The following MSRA variants were observed in gnomAD, a reference collection of about 807,000 sequenced individuals.
MSRA encodes the protein mitochondrial peptide methionine sulfoxide reductase.
In MSRA, 54 loss-of-function variants were observed where a neutral mutation model predicts 31.3. The observed-to-expected ratio is 1.73, with a 90% CI of 1.39 to 2.17. The LOEUF (loss-of-function observed/expected upper bound fraction) is 2.17. Ranked by LOEUF, MSRA falls within the 30% of genes most tolerant of loss-of-function variation. The pLI, the probability that MSRA is intolerant of heterozygous loss-of-function variation, is 0.00. For synonymous variants in MSRA, 169 were observed against 116.5 expected, an observed-to-expected ratio of 1.45 and a Z score of -2.90; for missense variants, 507 against 300.9, an observed-to-expected ratio of 1.69 and a Z score of -5.07.
chr8:10,303,062 T>G (rs1409541707), intron 4 of MSRA, among the ~76,000 whole-genome samples: 1 of 152,220 alleles, frequency 6.6e-6, no homozygotes, highest in Non-Finnish European at 1.5e-5. Flanking sequence ...GAGCAGACGT[T>G]CAGCCATTTG....
intron 1 of MSRA, among the ~76,000 whole-genome samples, chr8:10,093,572 G>GA (rs530873280): frequency 1.3e-5 from 2 of 151,874 alleles, no homozygotes; most frequent in Non-Finnish European, 2.9e-5. Flanking sequence ...ACATCAGATA[G>GA]AAAAAAGAGT....
At chr8:10,289,126 C>T (rs1186745848) in intron 3 of MSRA, among the ~76,000 whole-genome samples, 3 of 152,120 alleles carry the variant, frequency 2.0e-5, no homozygotes, top group Admixed American at 6.6e-5. Flanking sequence ...AGCCATTCTC[C>T]TGCCTCAGTC....
intron 5 of MSRA, among the ~76,000 whole-genome samples, chr8:10,416,812 C>A (rs2129192201): frequency 6.6e-6 from 1 of 152,360 alleles, no homozygotes; most frequent in South Asian, 2.1e-4. Flanking sequence ...AAGGGCAGAG[C>A]TGTGGAGCCA....
chr8:10,063,643 C>A (rs1431152112), intron 1 of MSRA, among the ~76,000 whole-genome samples: 1 of 152,090 alleles, frequency 6.6e-6, no homozygotes, highest in African/African-American at 2.4e-5. Flanking sequence ...GGATTAGTGC[C>A]CTTGTAAAAG....
chr8:10,416,319 A>G (rs565214497), intron 5 of MSRA, among the ~76,000 whole-genome samples: 2 of 152,344 alleles, frequency 1.3e-5, no homozygotes, highest in Non-Finnish European at 2.9e-5. Flanking sequence ...TCACAGAGAA[A>G]TCTGCTCGCT....
chr8:10,348,507 C>T (rs573125412), intron 5 of MSRA, among the ~76,000 whole-genome samples: 151 of 151,820 alleles, frequency 9.9e-4, no homozygotes, highest in Non-Finnish European at 1.7e-3. Context: ...GTAGCCGGGA[C>T]TACAAGCGTG....
intron 2 of MSRA, among the ~76,000 whole-genome samples, chr8:10,233,498 G>T (rs568760757): frequency 6.6e-6 from 1 of 152,232 alleles, no homozygotes; most frequent in African/African-American, 2.4e-5. Context: ...CAGAAAATAG[G>T]CAAAATAAAA....
chr8:10,116,605 G>A (rs1443028787), intron 1 of MSRA, among the ~76,000 whole-genome samples: 2 of 152,138 alleles, frequency 1.3e-5, no homozygotes, highest in South Asian at 2.1e-4. Context: ...ACATGCCATC[G>A]ATAGACACCT....
At chr8:10,376,126 T>C (rs2129172233) in intron 5 of MSRA, among the ~76,000 whole-genome samples, 1 of 152,334 alleles carries the variant, frequency 6.6e-6, no homozygotes, top group South Asian at 2.1e-4. Flanking sequence ...CTCACATTTC[T>C]GACAATCTGA....
intron 2 of MSRA, among the ~76,000 whole-genome samples, chr8:10,238,418 C>T (rs74737021): frequency 0.024 from 3,691 of 152,296 alleles, 167 homozygotes; most frequent in East Asian, 0.19. Context: ...CTTTTTCCCA[C>T]TAGAGTATAC....
intron 3 of MSRA, among the ~76,000 whole-genome samples, chr8:10,296,593 T>G (rs961323485): frequency 1.3e-5 from 2 of 152,234 alleles, no homozygotes; most frequent in African/African-American, 4.8e-5. Context: ...GATTAGAGAA[T>G]AATTATGATA....
intron 5 of MSRA, among the ~76,000 whole-genome samples, chr8:10,422,649 A>G (rs576992706): frequency 1.3e-5 from 2 of 152,208 alleles, no homozygotes; most frequent in South Asian, 4.2e-4. Flanking sequence ...AGAGAGAGAA[A>G]AGTTGCCGGG....
intron 3 of MSRA, among the ~76,000 whole-genome samples, chr8:10,285,857 T>G (rs1799907340): frequency 6.6e-6 from 1 of 152,242 alleles, no homozygotes. Flanking sequence ...ATATTAATTT[T>G]AATAGAAACA....
chr8:10,427,260 A>G (rs1809235009), intron 5 of MSRA, among the ~76,000 whole-genome samples: 1 of 152,220 alleles, frequency 6.6e-6, no homozygotes, highest in Non-Finnish European at 1.5e-5. Context: ...AGCAGCCTGC[A>G]ACAGGAAAGA....
At chr8:10,106,950 C>T (rs1799928125) in intron 1 of MSRA, among the ~76,000 whole-genome samples, 1 of 152,066 alleles carries the variant, frequency 6.6e-6, no homozygotes, top group Admixed American at 6.5e-5. Context: ...TTCCCACCCA[C>T]CTACGCAACC....
At chr8:10,335,853 G>A (rs1803007065) in intron 5 of MSRA, among the ~76,000 whole-genome samples, 1 of 152,198 alleles carries the variant, frequency 6.6e-6, no homozygotes. Flanking sequence ...TAAGGAGCCT[G>A]GGAGGCTGTC....
At chr8:10,210,414 CCA>C (rs1454898692) in intron 2 of MSRA, among the ~76,000 whole-genome samples, 1 of 152,182 alleles carries the variant, frequency 6.6e-6, no homozygotes, top group Non-Finnish European at 1.5e-5. Context: ...TCAGCTGGGT[CCA>C]CACACAAAAG....
At chr8:10,161,683 C>T (rs1452672740) in intron 1 of MSRA, among the ~76,000 whole-genome samples, 2 of 151,872 alleles carry the variant, frequency 1.3e-5, no homozygotes, top group African/African-American at 4.8e-5. Context: ...TGCAGGAGAC[C>T]CGGGTTCTGC....
chr8:10,089,435 G>C (rs767698254), intron 1 of MSRA, among the ~76,000 whole-genome samples: 1 of 152,166 alleles, frequency 6.6e-6, no homozygotes, highest in Non-Finnish European at 1.5e-5. Context: ...AAAAACTGGA[G>C]GGAAAATGCC....
Sources: allele counts gnomAD v4.1 joint callset (sites outside exome capture counted in the v4.1 genomes callset), GRCh38; gene constraint gnomAD v4.1.1; transcripts MANE v1.5; gene names NCBI Gene and HGNC (gene_info 2026-07-23, HGNC 2026-07-21).